Variants in PPARGC1A observed in about 807,000 individuals in gnomAD.
PPARGC1A encodes the protein PPARG coactivator 1 alpha.
In PPARGC1A, 25 loss-of-function variants were observed where a neutral mutation model predicts 88.7. The observed-to-expected ratio is 0.28, with a 90% CI of 0.21 to 0.39. The LOEUF (loss-of-function observed/expected upper bound fraction) is 0.39. PPARGC1A is among the 10% of genes least tolerant of loss of function. The pLI, the probability that PPARGC1A is intolerant of heterozygous loss-of-function variation, is 1.00. For synonymous variants in PPARGC1A, 363 were observed against 355.6 expected (o/e 1.02, Z -0.24); for missense variants, 880 against 968.7 (o/e 0.91, Z 1.22).
the PPARGC1A span, among the ~76,000 whole-genome samples, chr4:24,426,727 C>T: frequency 6.6e-6 from 1 of 152,128 alleles, no homozygotes; most frequent in Admixed American, 6.5e-5. Flanking sequence ...CAAACTGTTC[C>T]AAGTCTGGCT....
At chr4:24,181,362 G>C in the PPARGC1A span, among the ~76,000 whole-genome samples, 1 of 152,094 alleles carries the variant, frequency 6.6e-6, no homozygotes, top group Admixed American at 6.6e-5. Flanking sequence ...TAGTCATTTA[G>C]TTTTCCCACG....
chr4:24,472,678 C>CGCCGCCGCCGCT, the PPARGC1A span, among the ~76,000 whole-genome samples: 3 of 151,918 alleles, frequency 2.0e-5, no homozygotes, highest in African/African-American at 7.3e-5. The surrounding 1 kb of genome is among the most constrained non-coding windows in gnomAD (Gnocchi z 4.5). Context: ...CCGCCGCCGC[C>CGCCGCCGCCGCT]GCCGCCGCCG....
chr4:24,359,460 T>C, the PPARGC1A span, among the ~76,000 whole-genome samples: 1 of 152,192 alleles, frequency 6.6e-6, no homozygotes, highest in Non-Finnish European at 1.5e-5. Flanking sequence ...TTCCTGGATA[T>C]CTCATGGCAT....
the PPARGC1A span, among the ~76,000 whole-genome samples, chr4:24,122,414 T>TGTGC: frequency 1.5e-4 from 17 of 112,192 alleles, no homozygotes; most frequent in Non-Finnish European, 2.3e-4. Flanking sequence ...TGTGTGTGTG[T>TGTGC]GCATATATAT....
the PPARGC1A span, among the ~76,000 whole-genome samples, chr4:24,330,375 C>T: frequency 6.6e-6 from 1 of 152,296 alleles, no homozygotes; most frequent in South Asian, 2.1e-4. Flanking sequence ...GTCTGACTCC[C>T]CTGAGACTGC....
At chr4:23,910,001 T>C in the PPARGC1A span, among the ~76,000 whole-genome samples, 34 of 149,380 alleles carry the variant, frequency 2.3e-4, no homozygotes, top group African/African-American at 6.7e-4. Flanking sequence ...ATTGTGAAAA[T>C]TGTTCTTTAA....
At chr4:24,456,012 C>T in the PPARGC1A span, among the ~76,000 whole-genome samples, 1 of 152,196 alleles carries the variant, frequency 6.6e-6, no homozygotes, top group East Asian at 1.9e-4. Flanking sequence ...CTGTGAGCTA[C>T]TGGTGGCAGC....
At chr4:24,194,601 G>T in the PPARGC1A span, among the ~76,000 whole-genome samples, 1 of 150,404 alleles carries the variant, frequency 6.6e-6, no homozygotes, top group Non-Finnish European at 1.5e-5. Context: ...GACACCAGTG[G>T]GCTGGCACAC....
chr4:24,233,585 T>TACACACACAC, the PPARGC1A span, among the ~76,000 whole-genome samples: 1 of 149,216 alleles, frequency 6.7e-6, no homozygotes, highest in African/African-American at 2.5e-5. Flanking sequence ...CACAAACACA[T>TACACACACAC]ACACACACAC....
the PPARGC1A span, among the ~76,000 whole-genome samples, chr4:24,401,645 A>G: frequency 0.26 from 39,695 of 152,128 alleles, 5,571 homozygotes; most frequent in African/African-American, 0.32. Context: ...TAAATTCTTA[A>G]TATCCCATCC....
chr4:24,139,941 A>G, the PPARGC1A span, among the ~76,000 whole-genome samples: 1 of 152,280 alleles, frequency 6.6e-6, no homozygotes, highest in East Asian at 1.9e-4. Context: ...TGAAAACCCA[A>G]CTGAAAGCCT....
At chr4:23,859,109 T>A (rs1332109829) in intron 2 of PPARGC1A, among the ~76,000 whole-genome samples, 1 of 152,132 alleles carries the variant, frequency 6.6e-6, no homozygotes, top group African/African-American at 2.4e-5. Context: ...AAATACATTA[T>A]CAACTCTGTG....
the PPARGC1A span, among the ~76,000 whole-genome samples, chr4:24,000,864 C>T: frequency 1.3e-5 from 2 of 152,176 alleles, no homozygotes; most frequent in Non-Finnish European, 2.9e-5. Context: ...TCCTCTGGTA[C>T]TATGTCACAT....
At chr4:24,375,254 C>T in the PPARGC1A span, among the ~76,000 whole-genome samples, 1 of 126,916 alleles carries the variant, frequency 7.9e-6, no homozygotes, top group Non-Finnish European at 1.8e-5. Flanking sequence ...TTAGACACCA[C>T]ACATTTCAGT....
the PPARGC1A span, among the ~76,000 whole-genome samples, chr4:24,133,244 C>A: frequency 2.6e-5 from 4 of 152,138 alleles, no homozygotes; most frequent in Non-Finnish European, 5.9e-5. Context: ...GATTAAAGTG[C>A]CTCCATCTGA....
At chr4:24,240,050 C>G in the PPARGC1A span, among the ~76,000 whole-genome samples, 1 of 152,086 alleles carries the variant, frequency 6.6e-6, no homozygotes, top group Non-Finnish European at 1.5e-5. Context: ...GTACTTTGCT[C>G]TATGTCAAAA....
the PPARGC1A span, among the ~76,000 whole-genome samples, chr4:24,462,253 A>ATTTTTT: frequency 7.7e-5 from 11 of 143,344 alleles, no homozygotes; most frequent in African/African-American, 2.7e-4. Flanking sequence ...ACCCGGCTAA[A>ATTTTTT]TTTTTTTTTT....
chr4:24,113,200 A>G, the PPARGC1A span, among the ~76,000 whole-genome samples: 2 of 152,164 alleles, frequency 1.3e-5, no homozygotes, highest in Non-Finnish European at 2.9e-5. Context: ...TATCTCACAA[A>G]ACAATTGATA....
the PPARGC1A span, among the ~76,000 whole-genome samples, chr4:24,373,648 G>A: frequency 3.9e-5 from 6 of 152,164 alleles, no homozygotes; most frequent in Non-Finnish European, 8.8e-5. Flanking sequence ...AAGGAACAAG[G>A]TTGTGGGTGG....
Sources: allele counts gnomAD v4.1 joint callset (sites outside exome capture counted in the v4.1 genomes callset), GRCh38; gene constraint gnomAD v4.1.1; non-coding constraint Gnocchi (gnomAD v3.1); transcripts MANE v1.5; gene names NCBI Gene and HGNC (gene_info 2026-07-23, HGNC 2026-07-21).